Variants in PPM1L observed in about 807,000 individuals in gnomAD.
PPM1L encodes protein phosphatase, Mg2+/Mn2+ dependent 1L, also known as protein phosphatase 1L.
PPM1L carries 13 observed loss-of-function variants against 31.4 expected under a neutral mutation model. The observed-to-expected ratio is 0.41, with a 90% CI of 0.27 to 0.66. PPM1L has a LOEUF of 0.66. Ranked by LOEUF, PPM1L falls within the 30% of genes least tolerant of loss-of-function variation. PPM1L has a pLI of 0.29. For synonymous variants in PPM1L, 184 were observed against 175.4 expected (o/e 1.05, Z -0.39); for missense variants, 326 against 453.7 (o/e 0.72, Z 2.56).
chr3:160,898,740 T>A (rs1713431749), intron 1 of PPM1L, among the ~76,000 whole-genome samples: 1 of 152,170 alleles, frequency 6.6e-6, no homozygotes, highest in South Asian at 2.1e-4. Flanking sequence ...ACTGGGGCAA[T>A]GTGTGAGTGA....
At chr3:160,916,256 AACAG>A (rs1714177085) in intron 1 of PPM1L, among the ~76,000 whole-genome samples, 1 of 152,230 alleles carries the variant, frequency 6.6e-6, no homozygotes, top group South Asian at 2.1e-4. Flanking sequence ...GAAGGATATG[AACAG>A]ACACTTCTCA....
chr3:160,822,436 T>A (rs1166008851), intron 1 of PPM1L, among the ~76,000 whole-genome samples: 1 of 152,062 alleles, frequency 6.6e-6, no homozygotes, highest in Non-Finnish European at 1.5e-5. Context: ...ATATTTTATG[T>A]TTTATATGTA....
At chr3:160,891,569 C>T (rs1303391975) in intron 1 of PPM1L, among the ~76,000 whole-genome samples, 7 of 152,148 alleles carry the variant, frequency 4.6e-5, no homozygotes, top group Admixed American at 3.9e-4. Flanking sequence ...TTAGTTCAAC[C>T]ATTGTGCAAG....
intron 1 of PPM1L, among the ~76,000 whole-genome samples, chr3:160,890,694 C>T (rs1406248461): frequency 6.6e-6 from 1 of 152,030 alleles, no homozygotes; most frequent in Non-Finnish European, 1.5e-5. Flanking sequence ...AAAAGAACAA[C>T]CTGGAGGCAT....
chr3:160,959,046 C>T (rs1715870497), intron 1 of PPM1L, among the ~76,000 whole-genome samples: 1 of 152,192 alleles, frequency 6.6e-6, no homozygotes, highest in Non-Finnish European at 1.5e-5. Flanking sequence ...TGGAACCAAC[C>T]TAAATGCCCA....
intron 1 of PPM1L, among the ~76,000 whole-genome samples, chr3:160,804,534 T>C (rs1712538775): frequency 6.6e-6 from 1 of 152,234 alleles, no homozygotes; most frequent in Non-Finnish European, 1.5e-5. Context: ...ATAGTCTTTC[T>C]TTGGACAGTA....
intron 2 of PPM1L, among the ~76,000 whole-genome samples, chr3:161,038,348 G>C (rs1441338216): frequency 2.0e-5 from 3 of 151,342 alleles, no homozygotes; most frequent in Admixed American, 6.6e-5. Flanking sequence ...GTCTCTCTCT[G>C]TCACCCAGGC....
chr3:161,064,898 A>G (rs1440847765), intron 2 of PPM1L, among the ~76,000 whole-genome samples: 1 of 151,974 alleles, frequency 6.6e-6, no homozygotes, highest in African/African-American at 2.4e-5. Context: ...CAGACTTTGT[A>G]TAGGCAAGCT....
At chr3:160,794,315 T>C (rs1174334498) in intron 1 of PPM1L, among the ~76,000 whole-genome samples, 1 of 152,056 alleles carries the variant, frequency 6.6e-6, no homozygotes, top group East Asian at 1.9e-4. Flanking sequence ...AGTTGATGAG[T>C]GGGGAAAAGG....
rs560149652 is a variant in PPM1L at position 160,764,939 on chromosome 3, A to G, written c.399+8232A>G. ...TTGTAATAAATATTTTTGTGTTTCTACTGTACTTTGGATTATTTCTCTAGG... is the reference window on the plus strand; with the variant it reads ...TTGTAATAAATATTTTTGTGTTTCTGCTGTACTTTGGATTATTTCTCTAGG... On this transcript the variant is annotated intron_variant, in intron 1 of 3. Transcript: ENST00000498165. Among the ~76,000 whole-genome samples, 229 of 152,108 alleles carry G rather than the reference A, an allele frequency of 1.5e-3. 2 individuals are homozygous for G. The highest frequency in any genetic ancestry group is 2.8e-3 in the Non-Finnish European group (193 of 67,974).
intron 2 of PPM1L, among the ~76,000 whole-genome samples, chr3:161,027,409 G>A (rs1255154830): frequency 6.6e-6 from 1 of 152,180 alleles, no homozygotes; most frequent in African/African-American, 2.4e-5. Context: ...GGGTTTAATG[G>A]ACGTACAGTT....
chr3:160,894,688 T>A (rs1713275403), intron 1 of PPM1L, among the ~76,000 whole-genome samples: 1 of 152,198 alleles, frequency 6.6e-6, no homozygotes, highest in South Asian at 2.1e-4. Context: ...CAATTCATTC[T>A]TTAGGAATCT....
intron 2 of PPM1L, among the ~76,000 whole-genome samples, chr3:161,042,619 T>G (rs1207530640): frequency 6.6e-6 from 1 of 152,222 alleles, no homozygotes; most frequent in Admixed American, 6.5e-5. Context: ...CTGAAAACCT[T>G]TTACTTATTA....
At chr3:160,805,777 A>G (rs1205920249) in intron 1 of PPM1L, among the ~76,000 whole-genome samples, 2 of 151,960 alleles carry the variant, frequency 1.3e-5, no homozygotes, top group African/African-American at 4.8e-5. Flanking sequence ...TACCTCCCCC[A>G]CCTTTAAATC....
chr3:160,982,586 CT>C (rs1379967367), intron 2 of PPM1L, among the ~76,000 whole-genome samples: 1 of 152,194 alleles, frequency 6.6e-6, no homozygotes, highest in Non-Finnish European at 1.5e-5. Context: ...TTATATTTCA[CT>C]TTAATGTTCG....
chr3:160,757,639 A>C (rs1714847797), intron 1 of PPM1L, among the ~76,000 whole-genome samples: 1 of 152,246 alleles, frequency 6.6e-6, no homozygotes, highest in African/African-American at 2.4e-5. Flanking sequence ...ATGTGGCTCT[A>C]GCGCCATGCT....
At chr3:160,995,627 G>C (rs1196018563) in intron 2 of PPM1L, among the ~76,000 whole-genome samples, 3 of 152,090 alleles carry the variant, frequency 2.0e-5, no homozygotes, top group Non-Finnish European at 4.4e-5. Context: ...GGTCCAGGTA[G>C]AGACTTTTTT....
intron 2 of PPM1L, among the ~76,000 whole-genome samples, chr3:161,001,830 C>CT (rs1222058083): frequency 1.3e-5 from 2 of 151,890 alleles, no homozygotes; most frequent in Non-Finnish European, 2.9e-5. Context: ...AAGGATCTTT[C>CT]TTTTTTTTAA....
At chr3:160,983,831 G>A (rs1716879335) in intron 2 of PPM1L, among the ~76,000 whole-genome samples, 1 of 152,174 alleles carries the variant, frequency 6.6e-6, no homozygotes, top group African/African-American at 2.4e-5. Context: ...GACATCACAT[G>A]TCAGCAGGTT....
Sources: gnomAD v4.1 joint callset for allele counts (sites outside exome capture counted in the v4.1 genomes callset) on GRCh38, gnomAD v4.1.1 for gene constraint, MANE v1.5 for transcripts, NCBI Gene and HGNC (gene_info 2026-07-23, HGNC 2026-07-21) for gene names.